Variants in BTD observed in about 807,000 individuals in gnomAD.
BTD encodes biocytinase.
In BTD, 13 loss-of-function variants were observed where a neutral mutation model predicts 17.7. The observed-to-expected ratio is 0.74, with a 90% CI of 0.48 to 1.17. The LOEUF (loss-of-function observed/expected upper bound fraction) is 1.17, where lower values mean the gene tolerates loss of function less well. Among genes scored for constraint, BTD ranks in the 50% most tolerant of loss-of-function variants. The probability of loss-of-function intolerance (pLI) is 0.00; values close to 1 mark genes in which losing one functional copy is unlikely to be tolerated. For synonymous variants in BTD, 240 were observed against 245.2 expected, an observed-to-expected ratio of 0.98 and a Z score of 0.20; for missense variants, 674 against 650.4, an observed-to-expected ratio of 1.04 and a Z score of -0.39.
At chr3:15,642,922 GGAGGC>G (rs1274909024) in intron 3 of BTD, among the ~76,000 whole-genome samples, 5 of 151,584 alleles carry the variant, frequency 3.3e-5, no homozygotes, top group Non-Finnish European at 5.9e-5. Flanking sequence ...CAGCTACTTG[GGAGGC>G]TGAGGCAGGA....
Position 15,649,217 on chromosome 3 carries a change from C to T in BTD, c.*3729C>T, listed in dbSNP as rs1285077950. 6.6e-6 allele frequency among the ~76,000 whole-genome samples: 1 copy of T among 152,230 alleles called. No homozygotes were observed. Among genetic ancestry groups the T allele is most frequent in the Non-Finnish European group, 1.5e-5 (1 of 68,034 alleles). On this transcript the variant is annotated 3_prime_UTR_variant, in exon 4 of 4. Coordinates refer to ENST00000643237, the MANE Select transcript of BTD (RefSeq NM_001370658.1). ...GGTCTCAGCTCCTCACCACTTGGGTCTTTCCATAGGGATAGCTGAGTGTCC... is the reference window on the plus strand; with the variant it reads ...GGTCTCAGCTCCTCACCACTTGGGTTTTTCCATAGGGATAGCTGAGTGTCC...
exon 4 of BTD, among the ~76,000 whole-genome samples, chr3:15,712,765 T>C (rs1559386967): frequency 6.6e-6 from 1 of 152,234 alleles, no homozygotes; most frequent in East Asian, 1.9e-4. Context: ...ACAATAATTC[T>C]ATAAAATAAA....
At chr3:15,639,584 G>C (rs955902655) in intron 2 of BTD, among the ~76,000 whole-genome samples, 1 of 152,104 alleles carries the variant, frequency 6.6e-6, no homozygotes, top group African/African-American at 2.4e-5. Context: ...AAAGTCAAAC[G>C]GTGGTACATT....
intron 1 of BTD, among the ~76,000 whole-genome samples, chr3:15,613,974 G>T (rs1443200129): frequency 6.6e-6 from 1 of 151,612 alleles, no homozygotes; most frequent in Non-Finnish European, 1.5e-5. Context: ...TTCGTGTTCT[G>T]GTTTCTTTAT....
At chr3:15,602,478 C>G (rs1255006376) in intron 1 of BTD, among the ~76,000 whole-genome samples, 1 of 152,214 alleles carries the variant, frequency 6.6e-6, no homozygotes, top group Non-Finnish European at 1.5e-5. Flanking sequence ...GTGTGAAAAT[C>G]GTTTGCAATG....
chr3:15,702,689 G>C (rs566808309), intron 3 of BTD, among the ~76,000 whole-genome samples: 1 of 152,168 alleles, frequency 6.6e-6, no homozygotes, highest in East Asian at 1.9e-4. Context: ...TCAAATTCAT[G>C]TGTCCCATGG....
rs143456746 is a variant in BTD, at chr3:15,641,453, T to C, written c.250-455T>C. Among the ~76,000 whole-genome samples, 680 of 152,310 alleles carry C rather than the reference T, an allele frequency of 4.5e-3. 7 individuals are homozygous for C. Among genetic ancestry groups the C allele is most frequent in the South Asian group, 0.015 (74 of 4,826 alleles). ...GCATCAGTGGTTTTTCAGAAGTTCC[T>C]CAACTGATTTAAATGCACAATGGAA... On this transcript the variant is annotated intron_variant, in intron 2 of 3. Transcript: ENST00000643237.
chr3:15,719,141 T>C (rs891981738), intron 4 of BTD, among the ~76,000 whole-genome samples: 1 of 152,226 alleles, frequency 6.6e-6, no homozygotes, highest in African/African-American at 2.4e-5. Context: ...TCTCATGTTT[T>C]TTCTTCCTTG....
chr3:15,630,570 T>TCC (rs1346267366), intron 1 of BTD, among the ~76,000 whole-genome samples: 2 of 152,238 alleles, frequency 1.3e-5, no homozygotes, highest in Non-Finnish European at 2.9e-5. Flanking sequence ...TGATTGCACA[T>TCC]TTGGTTTCCT....
At position 15,686,024 on chromosome 3, in the gene BTD, C is replaced by T. The variant is rs761536330; in HGVS notation, c.400-24036C>T. 2.0e-5 allele frequency: 32 copies of T among 1,613,470 alleles called. No individual in the cohort carries two copies. In the South Asian group the frequency reaches 3.5e-4, roughly 18 times the overall value. ...TACCCCTCTATGCAACGCTGTCCTT[C>T]CCCACTTATCTTTGGCATCTACATT... is the stretch of plus-strand genomic sequence containing the variant. On this transcript the variant is annotated intron_variant, in intron 3 of 3. Transcript: ENST00000672141.
At chr3:15,602,044 T>C (rs1442948481) in intron 1 of BTD, 150 bp downstream of exon 1, 3 of 1,478,076 alleles carry the variant, frequency 2.0e-6, no homozygotes, top group South Asian at 2.7e-5. Context: ...CTGGGGCTGT[T>C]TGTGCGTTGC....
At chr3:15,703,159 T>G (rs903196269) in intron 3 of BTD, among the ~76,000 whole-genome samples, 6 of 152,186 alleles carry the variant, frequency 3.9e-5, no homozygotes, top group Non-Finnish European at 7.4e-5. Flanking sequence ...ACAAAAAAAT[T>G]TAAAGATTGA....
At position 15,639,461 on chromosome 3, in the gene BTD, G is replaced by A. The variant is rs116307102; in HGVS notation, c.250-2447G>A. On this transcript the variant is annotated intron_variant, in intron 2 of 3. Transcript: ENST00000643237. ...AAAGGAAAATTCAAGGAATGGAAAT[G>A]TGTATATCAGTCAGTCCAGTGATTG... Among the ~76,000 whole-genome samples, 782 of 152,240 alleles carry A rather than the reference G, an allele frequency of 5.1e-3. 3 individuals are homozygous for A. The highest frequency in any genetic ancestry group is 8.6e-3 in the Non-Finnish European group (584 of 68,008).
At chr3:15,716,724 T>A (rs2073108899), downstream of BTD, among the ~76,000 whole-genome samples, 1 of 152,208 alleles carries the variant, frequency 6.6e-6, no homozygotes, top group Non-Finnish European at 1.5e-5. Flanking sequence ...ATAATTTGAT[T>A]AACAAAATGA....
In BTD at chr3:15,651,842, A is replaced by C. The variant is rs1202426017; in HGVS notation, c.*6354A>C. 6.6e-6 allele frequency among the ~76,000 whole-genome samples: 1 copy of C among 152,164 alleles called. No individual in the cohort carries two copies. The highest frequency in any genetic ancestry group is 2.4e-5 in the African/African-American group (1 of 41,432). On this transcript the variant is annotated 3_prime_UTR_variant, in exon 4 of 4. Transcript: ENST00000643237. ...TCATGGACCAGTTCATTTGAGAAGA[A>C]ATAGAGGAGTTAGGGGAGAGAGAAG...
Position 15,701,602 on chromosome 3 carries a change from C to A in BTD, c.400-8458C>A, listed in dbSNP as rs545028621. ...GAGGTTGCAGTAAGCTGAGATTGCA[C>A]CATTGCACTCCAGCCTGGGCAAGAA... On this transcript the variant is annotated intron_variant, in intron 3 of 3. Coordinates refer to the BTD transcript ENST00000672141. Among the ~76,000 whole-genome samples the A allele has an allele frequency of 1.5e-4, 23 of 151,950 alleles. No individual in the cohort carries two copies. The East Asian group carries it at 3.9e-3, about 25-fold the overall frequency.
At chr3:15,697,840 G>A (rs577406245) in intron 3 of BTD, among the ~76,000 whole-genome samples, 56 of 152,214 alleles carry the variant, frequency 3.7e-4, no homozygotes, top group African/African-American at 1.3e-3. Flanking sequence ...GGTAGAATTC[G>A]GCTGTGAATC....
chr3:15,712,090 T>A (rs1008290414), exon 4 of BTD: 2 of 1,428,984 alleles, frequency 1.4e-6, no homozygotes, highest in African/African-American at 2.8e-5. Context: ...CATCTAAAAA[T>A]TTTGAGGGGT....
intron 1 of BTD, chr3:15,632,943 T>G (rs375606673): frequency 6.7e-4 from 102 of 152,396 alleles, no homozygotes; most frequent in African/African-American, 2.4e-3. Context: ...GGCAAATTGA[T>G]GTACAGTTGT....
Sources: gnomAD v4.1 joint callset for allele counts (sites outside exome capture counted in the v4.1 genomes callset) on GRCh38, gnomAD v4.1.1 for gene constraint, MANE v1.5 for transcripts, NCBI Gene and HGNC (gene_info 2026-07-23, HGNC 2026-07-21) for gene names.